RASA3: variants seen among roughly 807,000 people sequenced by gnomAD.
RASA3 encodes RAS p21 protein activator 3, also known as ras GTPase-activating protein 3.
In RASA3, 73 loss-of-function variants were observed where a neutral mutation model predicts 110.0. The observed-to-expected ratio is 0.66, with a 90% CI of 0.55 to 0.81. RASA3 has a LOEUF of 0.81. RASA3 is among the 30% of genes least tolerant of loss of function. The pLI is 0.00. For missense variants in RASA3, 976 were observed against 1,113.2 expected (o/e 0.88, Z 1.75); for synonymous variants, 500 against 451.4 (o/e 1.11, Z -1.37).
At chr13:114,079,976 CACG>C (rs2079755840) in intron 1 of RASA3, among the ~76,000 whole-genome samples, 1 of 152,226 alleles carries the variant, frequency 6.6e-6, no homozygotes, top group South Asian at 2.1e-4. Context: ...CCCTGACCCC[CACG>C]ACCCCTGGCA....
At chr13:113,995,705 C>T (rs1275507489) in intron 21 of RASA3, among the ~76,000 whole-genome samples, 1 of 76,686 alleles carries the variant, frequency 1.3e-5, no homozygotes, top group Non-Finnish European at 2.4e-5. Context: ...GGGGGGCTGG[C>T]TGACGGAGGA....
At chr13:114,029,683 CA>C in intron 5 of RASA3, 127 bp downstream of exon 5, 1 of 907,298 alleles carries the variant, frequency 1.1e-6, no homozygotes. Flanking sequence ...GACCTCTAAA[CA>C]GTGTCATCCT....
intron 12 of RASA3, among the ~76,000 whole-genome samples, 194 bp from the exon 13 acceptor site, chr13:114,016,465 T>C (rs1015960093): frequency 6.6e-6 from 1 of 151,938 alleles, no homozygotes; most frequent in African/African-American, 2.4e-5. Context: ...CGTGGGGTGG[T>C]GTCGTCCCGA....
In RASA3 at chr13:114,056,529, C is replaced by T; in HGVS notation, c.174-4374G>A. ...CCCGGTAGCGGGGTGTTCAGTTGCT[C>T]TGCCAAAGGCTCTGCACAAGTGGCT... On this transcript the variant is annotated intron_variant, in intron 2 of 23. Transcript: ENST00000334062. The surrounding 1 kb of genome is among the most constrained non-coding windows in gnomAD (Gnocchi z 5.7). 1 of 985,092 alleles carries T rather than the reference C, an allele frequency of 1.0e-6. No homozygotes were observed. Among genetic ancestry groups the T allele is most frequent in the Non-Finnish European group, 1.2e-6 (1 of 829,906 alleles). The allele number at this position is 985,092 out of a possible 1,614,324, so 61.0% of individuals were successfully genotyped here.
chr13:114,088,767 C>T (rs1354038656), intron 1 of RASA3, among the ~76,000 whole-genome samples: 2 of 152,280 alleles, frequency 1.3e-5, no homozygotes, highest in South Asian at 2.1e-4. Context: ...TCAGGCTGGT[C>T]TTGAACTCCC....
Position 113,979,152 on chromosome 13 carries a change from G to A in RASA3, c.*195C>T, listed in dbSNP as rs1409717603. On this transcript the variant is annotated 3_prime_UTR_variant, in exon 24 of 24. Transcript: ENST00000334062. ...ATGACGACACGTTCCACAGGGCCAG[G>A]TGGGCTTTCTGCGGAGGGCGTGGCG... The A allele has an allele frequency of 5.0e-6, 3 of 597,772 alleles. No homozygotes were observed. Among genetic ancestry groups the A allele is most frequent in the South Asian group, 2.0e-5 (1 of 50,666 alleles). The allele number at this position is 597,772 out of a possible 1,614,324, so 37.0% of individuals were successfully genotyped here.
chr13:114,066,033 G>A (rs1272686872), intron 2 of RASA3, among the ~76,000 whole-genome samples: 3 of 151,920 alleles, frequency 2.0e-5, no homozygotes, highest in Non-Finnish European at 4.4e-5. Context: ...GCTGCCCCTC[G>A]GCTCATGGGC....
At chr13:114,020,972 C>T (rs75850797) in intron 9 of RASA3, among the ~76,000 whole-genome samples, 1 of 140,774 alleles carries the variant, frequency 7.1e-6, no homozygotes, top group African/African-American at 2.5e-5. Flanking sequence ...CGGCTCAGGG[C>T]CCCGCTTTCA....
intron 1 of RASA3, among the ~76,000 whole-genome samples, chr13:114,101,005 G>C (rs74116474): frequency 6.6e-6 from 1 of 152,326 alleles, no homozygotes; most frequent in African/African-American, 2.4e-5. Context: ...AGGTGAGGGG[G>C]TGAGCGTCAG....
chr13:114,100,255 C>T (rs1476802891), intron 1 of RASA3, among the ~76,000 whole-genome samples: 1 of 151,976 alleles, frequency 6.6e-6, no homozygotes, highest in Non-Finnish European at 1.5e-5. Context: ...GCCTCTGTGC[C>T]AGCACCAGCG....
intron 3 of RASA3, among the ~76,000 whole-genome samples, chr13:114,041,676 G>A (rs1156644272): frequency 6.6e-6 from 1 of 152,270 alleles, no homozygotes; most frequent in East Asian, 1.9e-4. Context: ...CGTGTGCCTA[G>A]GGTGCTTTCC....
At chr13:114,016,066 G>A (rs533712569) in intron 13 of RASA3, 131 bp downstream of exon 13, 21 of 723,794 alleles carry the variant, frequency 2.9e-5, no homozygotes, top group Admixed American at 1.1e-4. Context: ...CGGGTGAGGC[G>A]GGTATCCCCA....
intron 3 of RASA3, 57 bp downstream of exon 3, chr13:114,051,995 A>C: frequency 7.3e-7 from 1 of 1,372,026 alleles, no homozygotes. Flanking sequence ...AAATGCTAAT[A>C]CTCGCCTGGT....
In RASA3 at chr13:113,999,647, T is replaced by G. The variant is rs1393296268; in HGVS notation, c.1870A>C (p.Ile624Leu). Residue 624 changes from isoleucine (I) to leucine (L), a missense_variant, in exon 20 of 24, where the codon ATT becomes CTT. Transcript: ENST00000334062. ...KSKGDQPLYS[I>L]PIENILAVEK... is the part of the protein sequence containing the mutation. ...ACTGCCAGGATGTTCTCGATGGGAA[T>G]GCTGTAGAGAGGCTGGTCCCCTGCA... 2 of 1,612,558 alleles carry G rather than the reference T, an allele frequency of 1.2e-6. No homozygotes were observed. The highest frequency in any genetic ancestry group is 1.6e-4 in the Middle Eastern group (1 of 6,074).
chr13:114,033,946 A>G (rs9525339), intron 4 of RASA3, among the ~76,000 whole-genome samples: 107,664 of 152,206 alleles, frequency 0.71, 38,915 homozygotes, highest in African/African-American at 0.87. Context: ...CAAAGACCCC[A>G]CCAAGACCAC....
At chr13:114,074,785 T>A (rs1280031042) in intron 1 of RASA3, among the ~76,000 whole-genome samples, 1 of 152,188 alleles carries the variant, frequency 6.6e-6, no homozygotes, top group Non-Finnish European at 1.5e-5. Context: ...GATCCCGGAC[T>A]CCTTGTTTGC....
chr13:114,089,499 G>A (rs1194292488), intron 1 of RASA3, among the ~76,000 whole-genome samples: 9 of 151,940 alleles, frequency 5.9e-5, no homozygotes, highest in African/African-American at 1.7e-4. Flanking sequence ...TGATCCAGCC[G>A]CAGAACTAAG....
intron 1 of RASA3, among the ~76,000 whole-genome samples, chr13:114,104,358 T>C (rs1204438441): frequency 1.3e-5 from 2 of 151,344 alleles, no homozygotes; most frequent in Non-Finnish European, 2.9e-5. Context: ...CCACCCCCGA[T>C]GCGTCCACAC....
intron 2 of RASA3, among the ~76,000 whole-genome samples, chr13:114,055,058 G>A (rs973097101): frequency 2.0e-5 from 3 of 152,076 alleles, no homozygotes; most frequent in African/African-American, 4.8e-5. Context: ...GTGCCTGTAC[G>A]TGTGTGCCCA....
Sources: allele counts gnomAD v4.1 joint callset (sites outside exome capture counted in the v4.1 genomes callset), GRCh38; gene constraint gnomAD v4.1.1; non-coding constraint Gnocchi (gnomAD v3.1); transcripts MANE v1.5; gene names NCBI Gene and HGNC (gene_info 2026-07-23, HGNC 2026-07-21).